The following HFM1 variants were observed in gnomAD, a reference collection of about 807,000 sequenced individuals.
HFM1 encodes probable ATP-dependent DNA helicase HFM1.
HFM1 carries 169 observed loss-of-function variants against 192.1 expected under a neutral mutation model. The observed-to-expected ratio is 0.88, with a 90% CI of 0.78 to 1.00. The LOEUF (loss-of-function observed/expected upper bound fraction) is 1.00. Among genes scored for constraint, HFM1 ranks in the 50% least tolerant of loss-of-function variants. HFM1 has a pLI of 0.00. For synonymous variants in HFM1, 525 were observed against 537.8 expected, an observed-to-expected ratio of 0.98 and a Z score of 0.33; for missense variants, 1,661 against 1,668.0, an observed-to-expected ratio of 1.00 and a Z score of 0.07.
intron 21 of HFM1, among the ~76,000 whole-genome samples, chr1:91,323,502 T>C (rs1041064113): frequency 1.3e-5 from 2 of 152,150 alleles, no homozygotes; most frequent in Non-Finnish European, 2.9e-5. Context: ...TATCACATAG[T>C]AATAAATAAG....
chr1:91,263,433 A>T (rs1363385456), intron 36 of HFM1, among the ~76,000 whole-genome samples: 1 of 152,168 alleles, frequency 6.6e-6, no homozygotes, highest in Non-Finnish European at 1.5e-5. Context: ...GAATTAAAAT[A>T]GTAAAAAGTG....
chr1:91,356,647 T>C (rs1057395284), intron 13 of HFM1, among the ~76,000 whole-genome samples: 8 of 145,314 alleles, frequency 5.5e-5, no homozygotes, highest in Admixed American at 3.4e-4. Flanking sequence ...CAAAAAAACA[T>C]AGAAAATGAT....
chr1:91,262,224 C>G lies in HFM1; in HGVS notation c.4238+17G>C, dbSNP rs580070. 239,468 of 1,196,594 alleles carry G rather than the reference C, an allele frequency of 0.2. 25,552 individuals carry two copies. The highest frequency in any genetic ancestry group is 0.23 in the Non-Finnish European group (191,319 of 847,318). The allele number at this position is 1,196,594 out of a possible 1,614,324, so 74.1% of individuals were successfully genotyped here. On this transcript the variant is annotated intron_variant, in intron 38 of 38. Coordinates refer to ENST00000370425, the MANE Select transcript of HFM1 (RefSeq NM_001017975.6). ...TTTTATTGATATAATCTTAAAGTGT[C>G]TTTAAAGAGTTCTTACCTGAAATCA...
intron 13 of HFM1, among the ~76,000 whole-genome samples, chr1:91,373,473 G>A (rs1490597029): frequency 6.6e-6 from 1 of 152,072 alleles, no homozygotes; most frequent in Non-Finnish European, 1.5e-5. Context: ...GAGACCTTCT[G>A]CTATAATTTG....
At chr1:91,274,611 T>C (rs748411400) in intron 33 of HFM1, 119 bp downstream of exon 33, 23 of 518,392 alleles carry the variant, frequency 4.4e-5, no homozygotes, top group Non-Finnish European at 7.4e-5. Flanking sequence ...ACTATGGAAC[T>C]AAACGATAAC....
intron 13 of HFM1, among the ~76,000 whole-genome samples, chr1:91,361,619 T>C (rs1426718254): frequency 6.6e-6 from 1 of 152,034 alleles, no homozygotes; most frequent in East Asian, 1.9e-4. Context: ...AATTCTACCA[T>C]GGGTACAAAG....
chr1:91,345,399 A>T (rs186951732), intron 19 of HFM1, among the ~76,000 whole-genome samples: 1 of 152,186 alleles, frequency 6.6e-6, no homozygotes, highest in East Asian at 1.9e-4. Flanking sequence ...TAAGAGATGT[A>T]GTTAGAGAAA....
At chr1:91,366,133 T>C (rs1031176467) in intron 13 of HFM1, among the ~76,000 whole-genome samples, 1 of 152,090 alleles carries the variant, frequency 6.6e-6, no homozygotes, top group African/African-American at 2.4e-5. Context: ...AAAAAAATGA[T>C]TATCTGAAAC....
At chr1:91,309,543 A>G (rs1334676292) in intron 30 of HFM1, among the ~76,000 whole-genome samples, 1 of 152,236 alleles carries the variant, frequency 6.6e-6, no homozygotes, top group Non-Finnish European at 1.5e-5. Flanking sequence ...CTAAGATAGT[A>G]AGATACAGCC....
chr1:91,320,417 G>C (rs1487514238), intron 23 of HFM1, among the ~76,000 whole-genome samples: 2 of 152,106 alleles, frequency 1.3e-5, no homozygotes, highest in African/African-American at 4.8e-5. Context: ...AAGATACACA[G>C]TATACTATCA....
At position 91,378,393 on chromosome 1, in the gene HFM1, C is replaced by T. The variant is rs374357674; in HGVS notation, c.1236+10G>A. On this transcript the variant is annotated intron_variant, in intron 10 of 38. Coordinates refer to ENST00000370425, the MANE Select transcript of HFM1 (RefSeq NM_001017975.6). ...TTATGTTTATCTCTGAAAGCGAATG[C>T]ATTCATTACCTCATCAATGAGAAAC... 9.1e-5 allele frequency: 143 copies of T among 1,569,144 alleles called. No individual in the cohort carries two copies. The highest frequency in any genetic ancestry group is 1.7e-4 in the Middle Eastern group (1 of 5,962).
At chr1:91,294,484 G>T (rs889475542) in intron 30 of HFM1, among the ~76,000 whole-genome samples, 1 of 152,274 alleles carries the variant, frequency 6.6e-6, no homozygotes, top group African/African-American at 2.4e-5. Flanking sequence ...CTCTATAGCA[G>T]GGGTTGGAAA....
chr1:91,300,868 C>G lies in HFM1; in HGVS notation c.3391+12481G>C, dbSNP rs541685888. Among the ~76,000 whole-genome samples, 517 of 152,272 alleles carry G rather than the reference C, an allele frequency of 3.4e-3. 1 individual carries two copies. Among genetic ancestry groups the G allele is most frequent in the African/African-American group, 0.01 (428 of 41,550 alleles). Reference sequence around the variant, plus strand: ...AAACTGGAAGCATTCCCTTTGAAAACTGGCACAAGACAAGGATGCCCTCTC... The same window carrying G: ...AAACTGGAAGCATTCCCTTTGAAAAGTGGCACAAGACAAGGATGCCCTCTC... On this transcript the variant is annotated intron_variant, in intron 30 of 38. Transcript: ENST00000370425.
chr1:91,378,179 T>A lies in HFM1; in HGVS notation c.1241A>T (p.His414Leu). 6.3e-7 allele frequency: 1 copy of A among 1,598,006 alleles called. No individual in the cohort carries two copies. Among genetic ancestry groups the A allele is most frequent in the Non-Finnish European group, 8.5e-7 (1 of 1,173,692 alleles). Residue 414 changes from histidine (H) to leucine (L), a missense_variant, in exon 11 of 39, where the codon CAT becomes CTT. Coordinates refer to ENST00000370425, the MANE Select transcript of HFM1 (RefSeq NM_001017975.6). ...LVRLFLIDEV[H>L]IVKDENRGPT... is the part of the protein sequence containing the mutation. ...ACCACGATTTTCATCTTTTACAATA[T>A]GTACCTAAGCAGGAAATCAAGAAAA...
chr1:91,403,870 A>G (rs903826402), intron 1 of HFM1, among the ~76,000 whole-genome samples: 1 of 152,144 alleles, frequency 6.6e-6, no homozygotes, highest in Non-Finnish European at 1.5e-5. Context: ...TGTAATCTTT[A>G]CTTATTGTAT....
At chr1:91,370,358 C>T (rs1178924693) in intron 13 of HFM1, among the ~76,000 whole-genome samples, 5 of 152,058 alleles carry the variant, frequency 3.3e-5, no homozygotes, top group African/African-American at 9.7e-5. Context: ...ACTGGCAAAC[C>T]AAATCCAGCA....
intron 20 of HFM1, among the ~76,000 whole-genome samples, chr1:91,338,700 G>A (rs1448346251): frequency 2.0e-5 from 3 of 152,046 alleles, no homozygotes; most frequent in South Asian, 4.2e-4. Context: ...TTGTCACCAC[G>A]GCCGTGGCCC....
rs753472335 is a variant in HFM1 at position 91,364,632 on chromosome 1, A to ATATTTT, written c.1685+10725_1685+10726insAAAATA. ...CATATATATATATATATATATATAT[A>ATATTTT]TTTTTTTTTTTTTTTTGAGACAGAG... On this transcript the variant is annotated intron_variant, in intron 13 of 38. Transcript: ENST00000370425. 1.5e-3 allele frequency among the ~76,000 whole-genome samples: 97 copies of ATATTTT among 66,786 alleles called. 1 individual carries two copies. The highest frequency in any genetic ancestry group is 3.0e-3 in the Admixed American group (12 of 4,000). The allele number at this position is 66,786 out of a possible 152,430, so 43.8% of individuals were successfully genotyped here. A position where few individuals can be genotyped will look rare whatever the true frequency, so the allele number is the denominator to read the frequency against.
rs1411733775 is a variant in HFM1 at position 91,324,700 on chromosome 1, C to T, written c.2402G>A (p.Ser801Asn). The T allele has an allele frequency of 6.6e-7, 1 of 1,520,704 alleles. No individual in the cohort carries two copies. The allele number at this position is 1,520,704 out of a possible 1,614,324, so 94.2% of individuals were successfully genotyped here. Residue 801 changes from serine to asparagine, a missense_variant, in exon 21 of 39, where the codon AGT becomes AAT. Coordinates refer to ENST00000370425, the MANE Select transcript of HFM1 (RefSeq NM_001017975.6). ...CAGATCTGATAAGGTTTCTTTTCCA[C>T]TGATTGTATAAAATTTCTTCACTGT... ...FETVKKFYTI[S>N]GKETLSDLVT...
Sources: gnomAD v4.1 joint callset for allele counts (sites outside exome capture counted in the v4.1 genomes callset) on GRCh38, gnomAD v4.1.1 for gene constraint, MANE v1.5 for transcripts, NCBI Gene and HGNC (gene_info 2026-07-23, HGNC 2026-07-21) for gene names.